The following HHAT variants were observed in gnomAD, a reference collection of about 807,000 sequenced individuals.
HHAT encodes hedgehog acyltransferase.
In HHAT, 47 loss-of-function variants were observed where a neutral mutation model predicts 70.8. The ratio of observed to expected loss-of-function variants is 0.66; its 90% CI spans 0.53 to 0.85. The LOEUF (loss-of-function observed/expected upper bound fraction) is 0.85, where lower values mean the gene tolerates loss of function less well. HHAT is among the 40% of genes least tolerant of loss of function. The probability of loss-of-function intolerance (pLI) is 0.00; values close to 1 mark genes in which losing one functional copy is unlikely to be tolerated. For missense variants in HHAT, 609 were observed against 604.8 expected (o/e 1.01, Z -0.07); for synonymous variants, 228 against 247.6 (o/e 0.92, Z 0.74).
Position 210,597,015 on chromosome 1 carries a change from C to T in HHAT, c.1245+8916C>T, listed in dbSNP as rs149245496. 2.6e-3 allele frequency among the ~76,000 whole-genome samples: 399 copies of T among 152,264 alleles called. 1 individual carries two copies. The highest frequency in any genetic ancestry group is 8.6e-3 in the African/African-American group (358 of 41,552). ...ACTTGGGCATTGTGATCTAAGTTTT[C>T]GGTTGCTCTAACTGTATTTGCATTA... On this transcript the variant is annotated intron_variant, in intron 10 of 11. Transcript: ENST00000261458.
At chr1:210,456,425 G>A (rs534749374) in intron 7 of HHAT, among the ~76,000 whole-genome samples, 44 of 152,242 alleles carry the variant, frequency 2.9e-4, no homozygotes, top group Non-Finnish European at 2.2e-4. Context: ...CAGATGCAGC[G>A]GGTTCCTGGG....
Position 210,612,356 on chromosome 1 carries a change from C to A in HHAT, c.1246-11170C>A, listed in dbSNP as rs369153765. Among the ~76,000 whole-genome samples the A allele has an allele frequency of 4.2e-4, 64 of 152,234 alleles. 2 individuals carry two copies. The South Asian group carries it at 0.012, about 28-fold the overall frequency. On this transcript the variant is annotated intron_variant, in intron 10 of 11. Coordinates refer to ENST00000261458, the MANE Select transcript of HHAT (RefSeq NM_018194.6). The stretch of plus-strand genomic sequence containing the variant: ...GTAGCCACTATTCTACTTTCTGTCT[C>A]TATATATTTGACTGTTTTAGGTATC...
chr1:210,353,455 A>T (rs74156137), intron 2 of HHAT, among the ~76,000 whole-genome samples: 734 of 57,328 alleles, frequency 0.013, 3 homozygotes, highest in Non-Finnish European at 0.023. Flanking sequence ...TTTTTTTTTT[A>T]AAAAAAAGCA....
At chr1:210,372,840 G>A (rs1219390788) in intron 3 of HHAT, among the ~76,000 whole-genome samples, 1 of 150,752 alleles carries the variant, frequency 6.6e-6, no homozygotes, top group Non-Finnish European at 1.5e-5. Context: ...GATTACAGGC[G>A]TGAGCCACTG....
chr1:210,662,016 TCTG>T (rs1454648264), intron 11 of HHAT, among the ~76,000 whole-genome samples: 1 of 152,214 alleles, frequency 6.6e-6, no homozygotes, highest in Admixed American at 6.5e-5. Context: ...TAAAATAAAA[TCTG>T]CTAAGTTTAG....
intron 9 of HHAT, among the ~76,000 whole-genome samples, chr1:210,566,199 C>T (rs1000900020): frequency 2.6e-5 from 4 of 152,128 alleles, no homozygotes; most frequent in African/African-American, 9.7e-5. Flanking sequence ...AAGCCCAGAA[C>T]ATGATGATTG....
intron 8 of HHAT, among the ~76,000 whole-genome samples, chr1:210,500,057 G>T (rs1174156117): frequency 6.6e-6 from 1 of 152,198 alleles, no homozygotes; most frequent in Non-Finnish European, 1.5e-5. Flanking sequence ...AGGAGGGAAA[G>T]CCTGTGTACC....
chr1:210,632,033 G>A (rs79744600), intron 11 of HHAT, among the ~76,000 whole-genome samples: 20,727 of 152,176 alleles, frequency 0.14, 1,458 homozygotes, highest in South Asian at 0.21. Context: ...GCCTAGTTGG[G>A]CCATTTTTCT....
At chr1:210,387,660 G>A (rs968132635) in intron 4 of HHAT, 79 bp downstream of exon 4, 42 of 1,059,432 alleles carry the variant, frequency 4.0e-5, no homozygotes, top group African/African-American at 1.3e-4. Context: ...GCTAGGAATC[G>A]GAAGACTTGG....
intron 9 of HHAT, among the ~76,000 whole-genome samples, chr1:210,544,379 T>G (rs2095463149): frequency 1.4e-5 from 2 of 146,382 alleles, no homozygotes; most frequent in African/African-American, 5.1e-5. Flanking sequence ...TTTTTTTTTT[T>G]TTTTTTTTTT....
At chr1:210,659,709 G>T (rs999484599) in intron 11 of HHAT, among the ~76,000 whole-genome samples, 2 of 152,190 alleles carry the variant, frequency 1.3e-5, no homozygotes, top group Admixed American at 6.5e-5. Context: ...ACATCAAAAA[G>T]CTTCTCCACC....
chr1:210,582,028 A>G (rs1244970097), intron 9 of HHAT, among the ~76,000 whole-genome samples: 2 of 152,200 alleles, frequency 1.3e-5, no homozygotes, highest in East Asian at 3.8e-4. Flanking sequence ...AAAGCTGTTC[A>G]ATCAGTGGAA....
chr1:210,585,557 T>C (rs577884076), intron 9 of HHAT, among the ~76,000 whole-genome samples: 1 of 152,250 alleles, frequency 6.6e-6, no homozygotes, highest in African/African-American at 2.4e-5. Context: ...TAGCTGGGAC[T>C]ACAGGCCCAC....
At chr1:210,653,832 T>C (rs1335926533) in intron 11 of HHAT, among the ~76,000 whole-genome samples, 2 of 2,042 alleles carry the variant, frequency 9.8e-4, no homozygotes, top group Non-Finnish European at 1.7e-3. Flanking sequence ...GACCTTCTGC[T>C]TGTTGAGGGA....
At chr1:210,382,578 A>G (rs1433261254) in intron 3 of HHAT, among the ~76,000 whole-genome samples, 1 of 152,228 alleles carries the variant, frequency 6.6e-6, no homozygotes, top group African/African-American at 2.4e-5. Context: ...GAGAGAAAAT[A>G]CAGGAATAAA....
intron 7 of HHAT, among the ~76,000 whole-genome samples, chr1:210,463,406 A>G (rs1386545026): frequency 6.6e-6 from 1 of 152,094 alleles, no homozygotes; most frequent in African/African-American, 2.4e-5. Flanking sequence ...GAATAATACA[A>G]TATGTGGTAT....
At chr1:210,348,455 GT>G (rs2086709298) in intron 1 of HHAT, among the ~76,000 whole-genome samples, 1 of 152,072 alleles carries the variant, frequency 6.6e-6, no homozygotes, top group Admixed American at 6.5e-5. Flanking sequence ...TGATTTAGAG[GT>G]TTGTATACTG....
At chr1:210,371,554 C>CT (rs1299728053) in intron 3 of HHAT, among the ~76,000 whole-genome samples, 2 of 152,212 alleles carry the variant, frequency 1.3e-5, no homozygotes, top group East Asian at 3.8e-4. Context: ...AAGCAAGCCT[C>CT]TCTGGGAAGG....
intron 7 of HHAT, among the ~76,000 whole-genome samples, chr1:210,444,772 C>G (rs578257304): frequency 6.6e-6 from 1 of 152,210 alleles, no homozygotes; most frequent in South Asian, 2.1e-4. Flanking sequence ...CCTCAGCCTC[C>G]CAAAGTGCTG....
Sources: gnomAD v4.1 joint callset for allele counts (sites outside exome capture counted in the v4.1 genomes callset) on GRCh38, gnomAD v4.1.1 for gene constraint, MANE v1.5 for transcripts, NCBI Gene and HGNC (gene_info 2026-07-23, HGNC 2026-07-21) for gene names.